SLC39A9: variants seen among roughly 807,000 people sequenced by gnomAD.
The protein encoded by SLC39A9 is solute carrier family 39 member 9.
SLC39A9 carries 14 observed loss-of-function variants against 28.4 expected under a neutral mutation model. The observed-to-expected ratio is 0.49, with a 90% CI of 0.33 to 0.77. SLC39A9 has a LOEUF of 0.77. Ranked by LOEUF, SLC39A9 falls within the 30% of genes least tolerant of loss-of-function variation. SLC39A9 has a pLI of 0.02. For synonymous variants in SLC39A9, 119 were observed against 149.6 expected, an observed-to-expected ratio of 0.80 and a Z score of 1.49; for missense variants, 283 against 381.1, an observed-to-expected ratio of 0.74 and a Z score of 2.14.
chr14:69,423,593 G>A (rs1246883570), intron 1 of SLC39A9, among the ~76,000 whole-genome samples: 2 of 152,018 alleles, frequency 1.3e-5, no homozygotes, highest in Admixed American at 1.3e-4. Context: ...TTGTTAACCT[G>A]GTCATTTAAA....
intron 4 of SLC39A9, 66 bp from the exon 5 acceptor site, chr14:69,454,746 C>A (rs1885780126): frequency 2.8e-5 from 39 of 1,370,966 alleles, no homozygotes; most frequent in Non-Finnish European, 3.8e-5. Context: ...CTCATACACT[C>A]AACCACTACA....
chr14:69,410,752 C>A (rs746709535), intron 1 of SLC39A9, among the ~76,000 whole-genome samples: 57 of 151,786 alleles, frequency 3.8e-4, no homozygotes, highest in Admixed American at 4.6e-4. Flanking sequence ...TACTTCATAG[C>A]CTGTGATATT....
At chr14:69,406,856 T>TG (rs1348787132) in intron 1 of SLC39A9, among the ~76,000 whole-genome samples, 1 of 137,550 alleles carries the variant, frequency 7.3e-6, no homozygotes, top group African/African-American at 2.7e-5. Context: ...TTGTTTTTTT[T>TG]TTTTTTTTTT....
intron 1 of SLC39A9, among the ~76,000 whole-genome samples, chr14:69,408,530 A>G (rs1445701530): frequency 2.0e-5 from 3 of 152,136 alleles, no homozygotes; most frequent in African/African-American, 7.2e-5. Context: ...CATTAGGGAG[A>G]AGTGAGAACT....
At chr14:69,434,010 C>G (rs1486588754) in intron 2 of SLC39A9, among the ~76,000 whole-genome samples, 2 of 152,008 alleles carry the variant, frequency 1.3e-5, no homozygotes, top group Admixed American at 6.6e-5. Flanking sequence ...GTCTCAAGCT[C>G]CTGGCCTCAA....
chr14:69,461,533 A>G lies in SLC39A9; in HGVS notation c.*2940A>G. On this transcript the variant is annotated 3_prime_UTR_variant, in exon 7 of 7. Coordinates refer to ENST00000336643, the MANE Select transcript of SLC39A9 (RefSeq NM_018375.5). ...TTCACCTCTTTCTTTCCCAATTCAA[A>G]ACAGCCAAGTGAGCCCTGTTCTGGT... The G allele has an allele frequency of 6.9e-7, 1 of 1,449,094 alleles. No individual in the cohort carries two copies. The highest frequency in any genetic ancestry group is 9.0e-7 in the Non-Finnish European group (1 of 1,105,438). The allele number at this position is 1,449,094 out of a possible 1,614,324, so 89.8% of individuals were successfully genotyped here.
intron 1 of SLC39A9, among the ~76,000 whole-genome samples, chr14:69,410,912 G>GTGC (rs1027707776): frequency 2.6e-5 from 4 of 151,386 alleles, no homozygotes; most frequent in African/African-American, 7.3e-5. Context: ...AATGTTTTCC[G>GTGC]TATCAAAAGC....
intron 2 of SLC39A9, among the ~76,000 whole-genome samples, chr14:69,433,364 T>C (rs1425406123): frequency 6.6e-6 from 1 of 152,218 alleles, no homozygotes; most frequent in Non-Finnish European, 1.5e-5. Context: ...GATTTTTGTG[T>C]TTCTGTTCAT....
chr14:69,399,274 C>A lies in SLC39A9; in HGVS notation c.-96C>A. On this transcript the variant is annotated 5_prime_UTR_variant, in exon 1 of 7. Coordinates refer to ENST00000336643, the MANE Select transcript of SLC39A9 (RefSeq NM_018375.5). ...CCTAAAGAACTGGAAAGCCCACTCT[C>A]TTGGAACCACCACACCTGTTTAAAG... The A allele has an allele frequency of 9.1e-7, 1 of 1,097,558 alleles. No homozygotes were observed. The highest frequency in any genetic ancestry group is 1.4e-6 in the Non-Finnish European group (1 of 734,692). 68.0% of individuals were successfully genotyped at this position (1,097,558 alleles called of 1,614,324 possible).
At position 69,458,387 on chromosome 14, in the gene SLC39A9, G is replaced by A. The variant is rs1885964720; in HGVS notation, c.718G>A (p.Val240Met). 5.0e-6 allele frequency: 8 copies of A among 1,614,208 alleles called. No homozygotes were observed. Among genetic ancestry groups the A allele is most frequent in the East Asian group, 2.2e-5 (1 of 44,892 alleles). ...SKSSKEALSE[V>M]NATGVAMLFS... ...GAGCAGTAAAGAAGCCCTTTCAGAGGTGAACGCCACGGGAGTGGCCATGCT... is the reference window on the plus strand; with the variant it reads ...GAGCAGTAAAGAAGCCCTTTCAGAGATGAACGCCACGGGAGTGGCCATGCT... The change falls in exon 7 of 7, where the codon GTG (valine) becomes ATG (methionine). Residue 240 changes from valine to methionine, a missense_variant. Coordinates refer to ENST00000336643, the MANE Select transcript of SLC39A9 (RefSeq NM_018375.5).
rs1450632748 is a variant in SLC39A9, at chr14:69,455,782, G to A, written c.609G>A (p.Glu203=). 2 of 1,614,208 alleles carry A rather than the reference G, an allele frequency of 1.2e-6. No individual in the cohort carries two copies. The highest frequency in any genetic ancestry group is 2.2e-5 in the South Asian group (2 of 91,088). The change falls in exon 6 of 7, where the codon GAG becomes GAA. Residue 203 remains glutamate, a synonymous_variant. Coordinates refer to ENST00000336643, the MANE Select transcript of SLC39A9 (RefSeq NM_018375.5). ...CCTTCTTGATGCATGCTGGCTTAGA[G>A]CGGAATCGAATCAGAAAGCACTTGC... The part of the protein sequence containing the change: ...LVSFLMHAGL[E]RNRIRKHLLV...
chr14:69,426,122 A>G (rs981822451), intron 2 of SLC39A9, among the ~76,000 whole-genome samples: 10 of 152,172 alleles, frequency 6.6e-5, no homozygotes, highest in African/African-American at 2.2e-4. Flanking sequence ...TCTCCCCACT[A>G]CCAAGCAGTG....
At chr14:69,401,131 C>T (rs1324438312) in intron 1 of SLC39A9, among the ~76,000 whole-genome samples, 12 of 152,158 alleles carry the variant, frequency 7.9e-5, no homozygotes, top group Non-Finnish European at 5.9e-5. Context: ...CTAAGCATTT[C>T]GGCAAAGGTA....
intron 4 of SLC39A9, 116 bp downstream of exon 4, chr14:69,453,425 G>T (rs2139451168): frequency 1.1e-6 from 1 of 918,714 alleles, no homozygotes. Context: ...TTGAGGAAAA[G>T]GTTTCTTAAT....
chr14:69,441,826 T>C (rs1885063552), intron 2 of SLC39A9: 9 of 1,225,604 alleles, frequency 7.3e-6, no homozygotes, highest in Non-Finnish European at 9.2e-6. Flanking sequence ...TGCTTCCACT[T>C]CCCAGGTGTT....
chr14:69,461,286 A>G lies in SLC39A9; in HGVS notation c.*2693A>G, dbSNP rs1347286757. 2 of 996,626 alleles carry G rather than the reference A, an allele frequency of 2.0e-6. No individual in the cohort carries two copies. The highest frequency in any genetic ancestry group is 1.0e-4 in the East Asian group (1 of 9,572). 61.7% of individuals were successfully genotyped at this position (996,626 alleles called of 1,614,324 possible). ...ATTCCAAGTGCTCTCTTAAATGGCA[A>G]ATTAAGTTAAAGAATACTACTGCTC... On this transcript the variant is annotated 3_prime_UTR_variant, in exon 7 of 7. Transcript: ENST00000336643.
intron 1 of SLC39A9, among the ~76,000 whole-genome samples, chr14:69,406,848 G>GTTTTTTTTTTTTTTTTTTTTTT (rs398025544): frequency 1.0e-5 from 1 of 95,892 alleles, no homozygotes. Context: ...GAAATTCTTT[G>GTTTTTTTTTTTTTTTTTTTTTT]TTTTTTTTTT....
chr14:69,402,478 TTTAAAAACGAG>T (rs1337596990), intron 1 of SLC39A9, among the ~76,000 whole-genome samples: 3 of 152,190 alleles, frequency 2.0e-5, no homozygotes, highest in Admixed American at 6.6e-5. Context: ...AAGATTAGTA[TTTAAAAACGAG>T]TTAAAATTAG....
intron 1 of SLC39A9, among the ~76,000 whole-genome samples, chr14:69,407,924 C>T (rs1367494934): frequency 6.6e-6 from 1 of 152,212 alleles, no homozygotes; most frequent in African/African-American, 2.4e-5. Flanking sequence ...GCCACCGCAC[C>T]CGGCCCTGCT....
Sources: allele counts gnomAD v4.1 joint callset (sites outside exome capture counted in the v4.1 genomes callset), GRCh38; gene constraint gnomAD v4.1.1; transcripts MANE v1.5; gene names NCBI Gene and HGNC (gene_info 2026-07-23, HGNC 2026-07-21).